GXYLT2: variants seen among roughly 807,000 people sequenced by gnomAD.
GXYLT2 encodes the protein glycosyltransferase 8 domain containing 4.
In GXYLT2, 53 loss-of-function variants were observed where a neutral mutation model predicts 45.8. That is an observed-to-expected ratio of 1.16 (90% CI 0.93 to 1.46). The LOEUF is 1.46. Among genes scored for constraint, GXYLT2 ranks in the 40% most tolerant of loss-of-function variants. The pLI is 0.00. For missense variants in GXYLT2, 551 were observed against 544.4 expected (o/e 1.01, Z -0.12); for synonymous variants, 219 against 214.2 (o/e 1.02, Z -0.19).
Position 72,976,354 on chromosome 3 carries a change from A to G in GXYLT2, c.*1195A>G, listed in dbSNP as rs1176911368. 1.3e-5 allele frequency: 2 copies of G among 152,248 alleles called. No homozygotes were observed. Among genetic ancestry groups the G allele is most frequent in the African/African-American group, 4.8e-5 (2 of 41,464 alleles). The allele number at this position is 152,248 out of a possible 1,614,324, so 9.4% of individuals were successfully genotyped here. On this transcript the variant is annotated 3_prime_UTR_variant, in exon 7 of 7. Transcript: ENST00000389617. ...AGGAATGTTTGTGTTTACCACAGAC[A>G]AAAACATTTGATCTGTTAATCATCA...
At chr3:72,920,880 T>A (rs1009034414) in intron 2 of GXYLT2, among the ~76,000 whole-genome samples, 2 of 151,288 alleles carry the variant, frequency 1.3e-5, no homozygotes, top group African/African-American at 2.4e-5. Flanking sequence ...AGTGGCATGA[T>A]CTCAGCTCAC....
At chr3:72,960,201 G>T (rs1057176515) in intron 5 of GXYLT2, among the ~76,000 whole-genome samples, 1 of 152,148 alleles carries the variant, frequency 6.6e-6, no homozygotes, top group Non-Finnish European at 1.5e-5. Context: ...GATTATAGGC[G>T]TGAGCCACCA....
intron 3 of GXYLT2, among the ~76,000 whole-genome samples, chr3:72,930,967 C>T (rs560545269): frequency 6.6e-6 from 1 of 152,174 alleles, no homozygotes; most frequent in African/African-American, 2.4e-5. Flanking sequence ...CACCATAAAC[C>T]AGCTGAACCA....
intron 5 of GXYLT2, among the ~76,000 whole-genome samples, chr3:72,964,653 A>C (rs1201214213): frequency 6.6e-6 from 1 of 152,196 alleles, no homozygotes; most frequent in East Asian, 1.9e-4. Context: ...GCCCTAAACT[A>C]CTTGGAAAGA....
At chr3:72,895,161 T>A (rs533540032) in intron 1 of GXYLT2, among the ~76,000 whole-genome samples, 128 of 152,268 alleles carry the variant, frequency 8.4e-4, no homozygotes, top group African/African-American at 3.0e-3. Flanking sequence ...GAGAAGGCTG[T>A]TCTGCAATAG....
chr3:72,966,290 T>G (rs916700545), intron 5 of GXYLT2, among the ~76,000 whole-genome samples: 4 of 110,682 alleles, frequency 3.6e-5, no homozygotes, highest in African/African-American at 1.1e-4. Flanking sequence ...AAGGTGGGGG[T>G]TTTTGCTGTT....
Position 72,919,511 on chromosome 3 carries a change from T to G in GXYLT2, c.469-2693T>G, listed in dbSNP as rs538602005. Among the ~76,000 whole-genome samples the G allele has an allele frequency of 3.3e-5, 5 of 152,168 alleles. No individual in the cohort carries two copies. In the South Asian group the frequency reaches 1.0e-3, roughly 32 times the overall value. On this transcript the variant is annotated intron_variant, in intron 2 of 6. Coordinates refer to ENST00000389617, the MANE Select transcript of GXYLT2 (RefSeq NM_001080393.2). ...GGCTCACGCCTGTAATCCCAACACT[T>G]TGGGAGGCCAAGGCATGTAGATCAC...
At chr3:72,910,462 C>T (rs1459945646) in intron 2 of GXYLT2, among the ~76,000 whole-genome samples, 1 of 152,186 alleles carries the variant, frequency 6.6e-6, no homozygotes, top group African/African-American at 2.4e-5. Flanking sequence ...GTTTCCCCAT[C>T]TGCAACTTGA....
In GXYLT2 at chr3:72,970,077, G is replaced by GT. The variant is rs1391256864; in HGVS notation, c.1149+2359dup. On this transcript the variant is annotated intron_variant, in intron 6 of 6. Coordinates refer to ENST00000389617, the MANE Select transcript of GXYLT2 (RefSeq NM_001080393.2). ...CAAAAAAAAATAAAATCGGCCTGGT[G>GT]TGGTGGTTTATGCCTGTAATCCTAG... 4.6e-5 allele frequency among the ~76,000 whole-genome samples: 7 copies of GT among 152,146 alleles called. No homozygotes were observed. In the East Asian group the frequency reaches 1.4e-3, roughly 29 times the overall value.
At chr3:72,964,530 C>T (rs1187988656) in intron 5 of GXYLT2, among the ~76,000 whole-genome samples, 1 of 151,758 alleles carries the variant, frequency 6.6e-6, no homozygotes, top group Admixed American at 6.6e-5. Flanking sequence ...ACCATGTTGG[C>T]CAGGCTGGTC....
At chr3:72,908,140 T>C in intron 1 of GXYLT2, 2 of 495,314 alleles carry the variant, frequency 4.0e-6, no homozygotes, top group Non-Finnish European at 7.2e-6. Context: ...CAGACACCTA[T>C]AGCAGTCCAA....
At chr3:72,940,481 G>A (rs1315504917) in intron 3 of GXYLT2, among the ~76,000 whole-genome samples, 1 of 152,180 alleles carries the variant, frequency 6.6e-6, no homozygotes, top group African/African-American at 2.4e-5. Context: ...AACAGACTGG[G>A]ATGAGGTTCA....
chr3:72,921,481 G>C (rs770104104), intron 2 of GXYLT2, among the ~76,000 whole-genome samples: 2 of 152,026 alleles, frequency 1.3e-5, no homozygotes, highest in Non-Finnish European at 2.9e-5. Context: ...CACCCAGGCT[G>C]GAGTACTGTG....
intron 3 of GXYLT2, among the ~76,000 whole-genome samples, chr3:72,944,068 A>G (rs1373314269): frequency 6.6e-6 from 1 of 150,988 alleles, no homozygotes. Context: ...AATAGTTGAT[A>G]TTTTCATTAT....
At chr3:72,957,764 G>T (rs1188834020) in intron 5 of GXYLT2, among the ~76,000 whole-genome samples, 1 of 152,102 alleles carries the variant, frequency 6.6e-6, no homozygotes, top group Non-Finnish European at 1.5e-5. Flanking sequence ...AACATATTCA[G>T]GGTCAAAACA....
intron 3 of GXYLT2, among the ~76,000 whole-genome samples, chr3:72,948,005 C>T (rs570095696): frequency 6.6e-6 from 1 of 152,308 alleles, no homozygotes; most frequent in South Asian, 2.1e-4. Flanking sequence ...GAAGCAAAAA[C>T]ATTCCTAGAC....
At chr3:72,914,906 C>T (rs7649077) in intron 2 of GXYLT2, among the ~76,000 whole-genome samples, 17,731 of 152,074 alleles carry the variant, frequency 0.12, 1,132 homozygotes, top group African/African-American at 0.17. Context: ...CTGAATTGGG[C>T]CAGACGCAGT....
intron 5 of GXYLT2, among the ~76,000 whole-genome samples, chr3:72,957,623 T>C (rs1710674842): frequency 6.6e-6 from 1 of 152,324 alleles, no homozygotes; most frequent in African/African-American, 2.4e-5. Context: ...ACCATTCTTC[T>C]AAGAAGTGCA....
chr3:72,899,295 T>A (rs1709356022), intron 1 of GXYLT2, among the ~76,000 whole-genome samples: 1 of 152,278 alleles, frequency 6.6e-6, no homozygotes, highest in Admixed American at 6.5e-5. Flanking sequence ...ATTTCAGATA[T>A]CATGAGCCAA....
Sources: gnomAD v4.1 joint callset for allele counts (sites outside exome capture counted in the v4.1 genomes callset) on GRCh38, gnomAD v4.1.1 for gene constraint, MANE v1.5 for transcripts, NCBI Gene and HGNC (gene_info 2026-07-23, HGNC 2026-07-21) for gene names.